IGSF5: variants seen among roughly 807,000 people sequenced by gnomAD.
The protein encoded by IGSF5 is immunoglobulin superfamily member 5.
A neutral mutation model predicts 39.4 loss-of-function variants in IGSF5; 41 were observed. The observed-to-expected ratio is 1.04, with a 90% CI of 0.81 to 1.35. The LOEUF (loss-of-function observed/expected upper bound fraction) is 1.35, where lower values mean the gene tolerates loss of function less well. Among genes scored for constraint, IGSF5 ranks in the 40% most tolerant of loss-of-function variants. IGSF5 has a pLI of 0.00. For synonymous variants in IGSF5, 183 were observed against 175.3 expected, an observed-to-expected ratio of 1.04 and a Z score of -0.34; for missense variants, 487 against 494.6, an observed-to-expected ratio of 0.98 and a Z score of 0.15.
chr21:39,779,970 G>C (rs60100440), intron 5 of IGSF5, among the ~76,000 whole-genome samples: 9 of 152,164 alleles, frequency 5.9e-5, no homozygotes, highest in African/African-American at 1.9e-4. Flanking sequence ...AAATTCTGTA[G>C]ATCTACTGTA....
At chr21:39,754,992 G>A (rs2080022571) in intron 2 of IGSF5, among the ~76,000 whole-genome samples, 3 of 152,142 alleles carry the variant, frequency 2.0e-5, no homozygotes, top group Non-Finnish European at 4.4e-5. Flanking sequence ...TTCATACAGA[G>A]ATGAAATGTG....
At chr21:39,716,728 T>C in the IGSF5 span, among the ~76,000 whole-genome samples, 3 of 152,250 alleles carry the variant, frequency 2.0e-5, no homozygotes, top group Non-Finnish European at 4.4e-5. Flanking sequence ...TGTACCACAT[T>C]TTCTTTATCC....
chr21:39,778,216 C>A (rs2080150742), intron 4 of IGSF5, among the ~76,000 whole-genome samples: 1 of 152,196 alleles, frequency 6.6e-6, no homozygotes, highest in Non-Finnish European at 1.5e-5. Context: ...TAAAAACGTT[C>A]TACATCTGTG....
At chr21:39,762,746 T>C (rs1168158462) in intron 2 of IGSF5, among the ~76,000 whole-genome samples, 1 of 152,202 alleles carries the variant, frequency 6.6e-6, no homozygotes, top group African/African-American at 2.4e-5. Flanking sequence ...CAGAGTCAGG[T>C]TGGAAAGCAG....
At chr21:39,742,471 G>C (rs2079952589), upstream of IGSF5, among the ~76,000 whole-genome samples, 1 of 152,222 alleles carries the variant, frequency 6.6e-6, no homozygotes, top group Non-Finnish European at 1.5e-5. Flanking sequence ...CATACCTGGG[G>C]CTCTGTGAGG....
At position 39,792,118 on chromosome 21, in the gene IGSF5, T is replaced by C; in HGVS notation, c.1048+19T>C. ...ACCACAGGTGAGTAGACAAGAGGGGTGGTGAAAAGACCTGGGAAAGAGAGA... is the reference window on the plus strand; with the variant it reads ...ACCACAGGTGAGTAGACAAGAGGGGCGGTGAAAAGACCTGGGAAAGAGAGA... On this transcript the variant is annotated intron_variant, in intron 7 of 8. Coordinates refer to ENST00000380588, the MANE Select transcript of IGSF5 (RefSeq NM_001080444.2). 6.5e-7 allele frequency: 1 copy of C among 1,545,836 alleles called. No homozygotes were observed. The highest frequency in any genetic ancestry group is 1.7e-5 in the Admixed American group (1 of 57,926).
intron 4 of IGSF5, among the ~76,000 whole-genome samples, chr21:39,776,784 G>A (rs2080143875): frequency 6.6e-6 from 1 of 152,194 alleles, no homozygotes; most frequent in Non-Finnish European, 1.5e-5. Flanking sequence ...GAGTGTGTGA[G>A]TAAGTTAACA....
chr21:39,757,046 C>CG (rs530515372), intron 2 of IGSF5, among the ~76,000 whole-genome samples: 16 of 151,734 alleles, frequency 1.1e-4, no homozygotes, highest in South Asian at 4.2e-4. Context: ...GCACAGTCCC[C>CG]CCGAGAGCCT....
chr21:39,772,562 A>T (rs1443887742), intron 4 of IGSF5, among the ~76,000 whole-genome samples: 1 of 152,152 alleles, frequency 6.6e-6, no homozygotes, highest in Non-Finnish European at 1.5e-5. Context: ...GTTGCTGGCC[A>T]TCTTCCTTAG....
chr21:39,757,042 T>TTC (rs66496449), intron 2 of IGSF5, among the ~76,000 whole-genome samples: 2 of 150,984 alleles, frequency 1.3e-5, no homozygotes, highest in Non-Finnish European at 1.5e-5. Flanking sequence ...GCAGGCACAG[T>TTC]CCCCCCGAGA....
At chr21:39,732,018 G>T in the IGSF5 span, among the ~76,000 whole-genome samples, 1 of 152,150 alleles carries the variant, frequency 6.6e-6, no homozygotes, top group East Asian at 1.9e-4. Flanking sequence ...GGAAGCCCAA[G>T]CAGCCCCACA....
chr21:39,758,088 A>AG (rs1436129235), intron 2 of IGSF5, among the ~76,000 whole-genome samples: 12 of 152,092 alleles, frequency 7.9e-5, no homozygotes, highest in Non-Finnish European at 1.8e-4. Context: ...TGCAGGGCTG[A>AG]GGGAAAGCTG....
At chr21:39,745,853 C>T (rs180969200) in intron 1 of IGSF5, among the ~76,000 whole-genome samples, 56 of 152,128 alleles carry the variant, frequency 3.7e-4, no homozygotes, top group East Asian at 1.4e-3. Context: ...GTATAGCAAG[C>T]GAAAGTGGTC....
At chr21:39,797,064 G>A (rs907932998) in intron 8 of IGSF5, among the ~76,000 whole-genome samples, 1 of 152,182 alleles carries the variant, frequency 6.6e-6, no homozygotes, top group African/African-American at 2.4e-5. Flanking sequence ...ACTAATGGAT[G>A]ACTGTTGACT....
chr21:39,735,697 C>T, the IGSF5 span, among the ~76,000 whole-genome samples: 2 of 152,146 alleles, frequency 1.3e-5, no homozygotes, highest in Non-Finnish European at 1.5e-5. Context: ...CAATGGAGAA[C>T]TCAAAGAACA....
At chr21:39,729,096 T>C in the IGSF5 span, 1 of 152,202 alleles carries the variant, frequency 6.6e-6, no homozygotes, top group Non-Finnish European at 1.5e-5. Context: ...AAAATATGAG[T>C]GACTTAAACA....
the IGSF5 span, among the ~76,000 whole-genome samples, chr21:39,721,913 A>G: frequency 6.6e-6 from 1 of 152,176 alleles, no homozygotes; most frequent in Non-Finnish European, 1.5e-5. Context: ...AGGTGAGCAC[A>G]CTTACTTTGT....
intron 5 of IGSF5, among the ~76,000 whole-genome samples, chr21:39,784,434 G>C (rs1475267093): frequency 6.6e-6 from 1 of 152,168 alleles, no homozygotes; most frequent in Non-Finnish European, 1.5e-5. Flanking sequence ...GGCCCACACA[G>C]GATATGCAGA....
chr21:39,734,623 C>G, the IGSF5 span, among the ~76,000 whole-genome samples: 2 of 151,950 alleles, frequency 1.3e-5, no homozygotes, highest in Admixed American at 1.3e-4. Flanking sequence ...TTTTTCAGAA[C>G]TAATTCTAAG....
Sources: gnomAD v4.1 joint callset for allele counts (sites outside exome capture counted in the v4.1 genomes callset) on GRCh38, gnomAD v4.1.1 for gene constraint, MANE v1.5 for transcripts, NCBI Gene and HGNC (gene_info 2026-07-23, HGNC 2026-07-21) for gene names.